The following CRAMP1 variants were observed in gnomAD, a reference collection of about 807,000 sequenced individuals.
CRAMP1 encodes cramped chromatin regulator 1.
In CRAMP1, 50 loss-of-function variants were observed where a neutral mutation model predicts 115.4. The observed-to-expected ratio is 0.43, with a 90% CI of 0.35 to 0.55. The LOEUF (loss-of-function observed/expected upper bound fraction) is 0.55, where lower values mean the gene tolerates loss of function less well. Among genes scored for constraint, CRAMP1 ranks in the 20% least tolerant of loss-of-function variants. CRAMP1 has a pLI of 0.01. For synonymous variants in CRAMP1, 866 were observed against 745.4 expected, an observed-to-expected ratio of 1.16 and a Z score of -2.64; for missense variants, 1,679 against 1,721.7, an observed-to-expected ratio of 0.98 and a Z score of 0.44.
intron 4 of CRAMP1, among the ~76,000 whole-genome samples, chr16:1,636,303 G>A (rs753354210): frequency 3.3e-5 from 5 of 151,936 alleles, no homozygotes; most frequent in Non-Finnish European, 7.4e-5. Context: ...CCTGGGAGGC[G>A]GAGGTTGCAG....
intron 6 of CRAMP1, among the ~76,000 whole-genome samples, chr16:1,650,498 G>A (rs1054130959): frequency 2.0e-5 from 3 of 152,184 alleles, no homozygotes; most frequent in Non-Finnish European, 4.4e-5. Context: ...ACAATACACA[G>A]ATAAAATATA....
Position 1,655,874 on chromosome 16 carries a change from C to A in CRAMP1, c.1120-3C>A. On this transcript the variant is annotated splice_region_variant and splice_polypyrimidine_tract_variant and intron_variant, in intron 9 of 20. Transcript: ENST00000397412. ...GTGTGGGCCTTCCTTGACGGGCACT[C>A]AGCGGAAGACACTCGAGGAGCGGCA... 1 of 1,602,882 alleles carries A rather than the reference C, an allele frequency of 6.2e-7. No individual in the cohort carries two copies. The highest frequency in any genetic ancestry group is 1.1e-5 in the South Asian group (1 of 89,808).
chr16:1,667,861 A>G (rs554651998), intron 17 of CRAMP1, 101 bp from the exon 18 acceptor site: 40 of 724,184 alleles, frequency 5.5e-5, no homozygotes, highest in South Asian at 3.5e-4. Flanking sequence ...TCATCACCCT[A>G]TTGATTTGCC....
Position 1,633,894 on chromosome 16 carries a change from C to T in CRAMP1, c.694+1529C>T, listed in dbSNP as rs955576175. Among the ~76,000 whole-genome samples, 23 of 152,214 alleles carry T rather than the reference C, an allele frequency of 1.5e-4. No homozygotes were observed. The South Asian group carries it at 3.1e-3, about 21-fold the overall frequency. ...ACCATCCTGGCCAACATGGTGAAAC[C>T]GCATCTCTACTAAAAATACAAAAAT... On this transcript the variant is annotated intron_variant, in intron 4 of 20. Coordinates refer to ENST00000397412, the MANE Select transcript of CRAMP1 (RefSeq NM_020825.4).
chr16:1,657,619 G>A (rs759311052), intron 10 of CRAMP1, among the ~76,000 whole-genome samples: 6 of 152,342 alleles, frequency 3.9e-5, no homozygotes, highest in Non-Finnish European at 8.8e-5. Context: ...GAATAGTGGA[G>A]CTGGGGACCA....
At chr16:1,621,499 A>G (rs534823314) in intron 2 of CRAMP1, among the ~76,000 whole-genome samples, 1 of 152,272 alleles carries the variant, frequency 6.6e-6, no homozygotes, top group Non-Finnish European at 1.5e-5. Context: ...CCTCTGGAGA[A>G]CTGTGGCGCT....
intron 4 of CRAMP1, among the ~76,000 whole-genome samples, chr16:1,634,352 C>T (rs1391292340): frequency 6.6e-6 from 1 of 152,218 alleles, no homozygotes; most frequent in Non-Finnish European, 1.5e-5. Context: ...GCAGTCAAAG[C>T]AAACATTTCT....
intron 4 of CRAMP1, among the ~76,000 whole-genome samples, chr16:1,637,387 C>T (rs1222518499): frequency 3.9e-5 from 6 of 152,104 alleles, no homozygotes; most frequent in East Asian, 1.9e-4. Context: ...CTCCTCCTCC[C>T]GCCTGGGCCC....
In CRAMP1 at chr16:1,659,997, C is replaced by G. The variant is rs374299928; in HGVS notation, c.2347C>G (p.Pro783Ala). The G allele has an allele frequency of 6.2e-7, 1 of 1,605,110 alleles. No homozygotes were observed. The highest frequency in any genetic ancestry group is 1.1e-5 in the South Asian group (1 of 91,054). The change falls in exon 11 of 21, where the codon CCT becomes GCT. Residue 783 changes from proline (P) to alanine (A), a missense_variant. Pro to Ala is a conservative substitution (Grantham distance 27). This residue lies in a region of CRAMP1 where 709 missense variants were observed against 741.9 expected (regional missense o/e 0.96). Coordinates refer to ENST00000397412, the MANE Select transcript of CRAMP1 (RefSeq NM_020825.4). Reference protein sequence around the residue: ...VTVSSRSPRCPRNQASLRSSK... With the variant: ...VTVSSRSPRCARNQASLRSSK... ...CGTCAGCTCTCGCAGCCCCCGCTGCCCTCGGAACCAGGCCTCCCTCCGCAG... is the reference window on the plus strand; with the variant it reads ...CGTCAGCTCTCGCAGCCCCCGCTGCGCTCGGAACCAGGCCTCCCTCCGCAG...
intron 6 of CRAMP1, among the ~76,000 whole-genome samples, chr16:1,642,482 G>A (rs1184691355): frequency 1.3e-5 from 2 of 152,232 alleles, no homozygotes; most frequent in Non-Finnish European, 2.9e-5. Flanking sequence ...CCCAGAGTGG[G>A]TCTGGGGTAC....
At chr16:1,630,570 A>G (rs992488860) in intron 3 of CRAMP1, among the ~76,000 whole-genome samples, 1 of 152,218 alleles carries the variant, frequency 6.6e-6, no homozygotes, top group Admixed American at 6.5e-5. Context: ...GGGTATGAGC[A>G]CAGACATGGC....
intron 2 of CRAMP1, among the ~76,000 whole-genome samples, chr16:1,621,144 C>T (rs1253178246): frequency 2.0e-5 from 3 of 152,124 alleles, no homozygotes; most frequent in Non-Finnish European, 2.9e-5. Flanking sequence ...CCTCAGCTTC[C>T]CCAGTTGAAA....
At chr16:1,670,274 A>C in intron 19 of CRAMP1, among the ~76,000 whole-genome samples, 1 of 151,616 alleles carries the variant, frequency 6.6e-6, no homozygotes, top group South Asian at 2.1e-4. Context: ...AAAAAAATTA[A>C]AAGCAAAGTT....
intron 9 of CRAMP1, among the ~76,000 whole-genome samples, 178 bp downstream of exon 9, chr16:1,655,478 C>T (rs1251774568): frequency 6.6e-6 from 1 of 152,162 alleles, no homozygotes; most frequent in African/African-American, 2.4e-5. Context: ...GGTGTGGAGC[C>T]CCCTCTGTGG....
At chr16:1,643,297 C>T (rs1019840958) in intron 6 of CRAMP1, among the ~76,000 whole-genome samples, 5 of 152,162 alleles carry the variant, frequency 3.3e-5, no homozygotes, top group African/African-American at 1.2e-4. Flanking sequence ...AATCCCAGCA[C>T]TTTGGGAGGC....
At chr16:1,631,013 G>A (rs560282215) in intron 3 of CRAMP1, among the ~76,000 whole-genome samples, 44 of 152,330 alleles carry the variant, frequency 2.9e-4, no homozygotes, top group African/African-American at 1.1e-3. Context: ...GCTTGGCTTT[G>A]AGGCTGTGTA....
intron 2 of CRAMP1, among the ~76,000 whole-genome samples, chr16:1,619,816 G>A (rs1318328494): frequency 1.3e-5 from 2 of 152,178 alleles, no homozygotes; most frequent in East Asian, 3.9e-4. Context: ...GTGTCGTGGA[G>A]ACCATTAGGT....
Position 1,671,128 on chromosome 16 carries a change from C to A in CRAMP1, c.3645+319C>A, listed in dbSNP as rs2036918929. On this transcript the variant is annotated intron_variant, in intron 20 of 20. Coordinates refer to ENST00000397412, the MANE Select transcript of CRAMP1 (RefSeq NM_020825.4). This position sits in a 1 kb window ranked among gnomAD's most constrained non-coding sequence, Gnocchi z 5.0. ...GAGCCGAGTGGGGATGTTACCTCTC[C>A]TTCCCTGGCTGTGAGGTGCTGAGGT... Among the ~76,000 whole-genome samples the A allele has an allele frequency of 6.6e-6, 1 of 152,186 alleles. No individual in the cohort carries two copies. The highest frequency in any genetic ancestry group is 1.5e-5 in the Non-Finnish European group (1 of 68,030).
At chr16:1,649,331 CAT>C (rs1210350417) in intron 6 of CRAMP1, among the ~76,000 whole-genome samples, 4 of 152,164 alleles carry the variant, frequency 2.6e-5, no homozygotes, top group Middle Eastern at 3.4e-3. Context: ...TGGATGGACA[CAT>C]GAGTGGGTGG....
Sources: gnomAD v4.1 joint callset for allele counts (sites outside exome capture counted in the v4.1 genomes callset) on GRCh38, gnomAD v4.1.1 for gene constraint, gnomAD v4.1.1 regional missense constraint, Gnocchi (gnomAD v3.1) non-coding constraint, MANE v1.5 for transcripts, NCBI Gene and HGNC (gene_info 2026-07-23, HGNC 2026-07-21) for gene names.